Variants in PADI2 observed in about 807,000 individuals in gnomAD.
The protein encoded by PADI2 is peptidyl arginine deiminase 2.
PADI2 carries 70 observed loss-of-function variants against 81.1 expected under a neutral mutation model. That is an observed-to-expected ratio of 0.86 (90% CI 0.71 to 1.05). PADI2 has a LOEUF of 1.05. PADI2 is among the 50% of genes least tolerant of loss of function. The pLI is 0.00. For missense variants in PADI2, 853 were observed against 889.9 expected (o/e 0.96, Z 0.53); for synonymous variants, 338 against 358.0 (o/e 0.94, Z 0.63).
Position 17,073,356 on chromosome 1 carries a change from G to A in PADI2, c.1549+1500C>T, listed in dbSNP as rs138760882. Among the ~76,000 whole-genome samples, 1,471 of 150,896 alleles carry A rather than the reference G, an allele frequency of 9.7e-3. 26 individuals are homozygous for A. The highest frequency in any genetic ancestry group is 0.032 in the African/African-American group (1,317 of 40,960). The stretch of plus-strand genomic sequence containing the variant: ...GGCTTGAACCTGGGAGGCGGAGCTT[G>A]CAGTGAGCCGAGATGGCACCACTGC... On this transcript the variant is annotated intron_variant, in intron 13 of 15. Coordinates refer to ENST00000375486, the MANE Select transcript of PADI2 (RefSeq NM_007365.3).
At chr1:17,095,824 T>G in intron 4 of PADI2, 85 bp downstream of exon 4, 2 of 1,067,130 alleles carry the variant, frequency 1.9e-6, no homozygotes, top group Middle Eastern at 2.0e-4. Context: ...TCCTGAGCTG[T>G]GAAATGGGAA....
intron 11 of PADI2, among the ~76,000 whole-genome samples, chr1:17,076,991 A>G (rs2647200): frequency 0.97 from 148,216 of 152,092 alleles, 72,224 homozygotes; most frequent in East Asian, 1. Context: ...GCTCCTGGCC[A>G]GCCCTCCTCC....
intron 14 of PADI2, 69 bp downstream of exon 14, chr1:17,071,337 A>G (rs1244399177): frequency 3.4e-6 from 4 of 1,180,246 alleles, no homozygotes; most frequent in Non-Finnish European, 5.1e-6. Flanking sequence ...GGAAGCCCCA[A>G]GGATGTAAGG....
chr1:17,093,109 T>C (rs1930765188), intron 5 of PADI2, among the ~76,000 whole-genome samples: 3 of 152,014 alleles, frequency 2.0e-5, no homozygotes, highest in African/African-American at 7.2e-5. Context: ...TTCTTTTTTT[T>C]TCTTGAGACA....
chr1:17,106,732 C>A (rs549081123), intron 1 of PADI2, among the ~76,000 whole-genome samples: 1 of 152,042 alleles, frequency 6.6e-6, no homozygotes, highest in African/African-American at 2.4e-5. Flanking sequence ...CGTGAGCCAC[C>A]CTGGCCAAGG....
chr1:17,079,501 G>T, intron 10 of PADI2, 86 bp from the exon 11 acceptor site: 1 of 1,167,720 alleles, frequency 8.6e-7, no homozygotes, highest in South Asian at 1.4e-5. Context: ...ATCACCTTCA[G>T]TCTGGGTCTG....
chr1:17,097,411 C>T (rs909959890), intron 3 of PADI2, among the ~76,000 whole-genome samples: 6 of 152,206 alleles, frequency 3.9e-5, no homozygotes, highest in African/African-American at 7.2e-5. Context: ...GCTGCAAGGG[C>T]GCCTGGCCCT....
chr1:17,108,835 T>C (rs1038035394), intron 1 of PADI2, among the ~76,000 whole-genome samples: 4 of 152,214 alleles, frequency 2.6e-5, no homozygotes, highest in Admixed American at 2.0e-4. Flanking sequence ...AAAAGTGTTA[T>C]AGTGAGACAG....
In PADI2 at chr1:17,119,219, G is replaced by A; in HGVS notation, c.92+61C>T. 1.7e-6 allele frequency: 2 copies of A among 1,198,588 alleles called. No homozygotes were observed. Among genetic ancestry groups the A allele is most frequent in the Non-Finnish European group, 2.3e-6 (2 of 852,512 alleles). The allele number at this position is 1,198,588 out of a possible 1,614,324, so 74.2% of individuals were successfully genotyped here. On this transcript the variant is annotated intron_variant, in intron 1 of 15. Transcript: ENST00000375486. The surrounding 1 kb of genome is among the most constrained non-coding windows in gnomAD (Gnocchi z 4.8). ...AGGCTGTCCACGTCCCCGAGTCTGAGCGCGTCTCAGGATTTCTGGGCTCGA... is the reference window on the plus strand; with the variant it reads ...AGGCTGTCCACGTCCCCGAGTCTGAACGCGTCTCAGGATTTCTGGGCTCGA...
chr1:17,103,967 G>C (rs935832894), intron 2 of PADI2, among the ~76,000 whole-genome samples: 2 of 151,980 alleles, frequency 1.3e-5, no homozygotes, highest in Non-Finnish European at 2.9e-5. Context: ...CTGGGAGTCA[G>C]AGTGAGATCC....
Position 17,115,506 on chromosome 1 carries a change from C to T in PADI2, c.92+3774G>A, listed in dbSNP as rs1931724919. Among the ~76,000 whole-genome samples, 2 of 152,232 alleles carry T rather than the reference C, an allele frequency of 1.3e-5. No individual in the cohort carries two copies. The highest frequency in any genetic ancestry group is 2.1e-4 in the South Asian group (1 of 4,832). ...AGAAGAAGCCATTCCCAAGGCCCAG[C>T]TTGTGGGCAGAGAGTGACCACCCTG... On this transcript the variant is annotated intron_variant, in intron 1 of 15. Coordinates refer to ENST00000375486, the MANE Select transcript of PADI2 (RefSeq NM_007365.3). This position sits in a 1 kb window ranked among gnomAD's most constrained non-coding sequence, Gnocchi z 4.1.
In PADI2 at chr1:17,079,233, C is replaced by T. The variant is rs189693408; in HGVS notation, c.1310+31G>A. 34 of 1,598,482 alleles carry T rather than the reference C, an allele frequency of 2.1e-5. 1 individual carries two copies. The African/African-American group carries it at 3.5e-4, about 16-fold the overall frequency. ...AGAAACAGTGACTTCCCCACTCCCA[C>T]AGCCCCTAGCCCCAGCCTGGCTTCT... On this transcript the variant is annotated intron_variant, in intron 11 of 15. Coordinates refer to ENST00000375486, the MANE Select transcript of PADI2 (RefSeq NM_007365.3).
At position 17,074,964 on chromosome 1, in the gene PADI2, C is replaced by T. The variant is rs867749004; in HGVS notation, c.1456-15G>A. On this transcript the variant is annotated splice_polypyrimidine_tract_variant and intron_variant, in intron 12 of 15. Coordinates refer to ENST00000375486, the MANE Select transcript of PADI2 (RefSeq NM_007365.3). ...AGCAGGAATTTCTGCAAGAGACAGT[C>T]CAGAGGGACAGAGTCAGCAGTGGGA... is the stretch of plus-strand genomic sequence containing the variant. 6.3e-7 allele frequency: 1 copy of T among 1,581,474 alleles called. No homozygotes were observed. The highest frequency in any genetic ancestry group is 8.7e-7 in the Non-Finnish European group (1 of 1,152,284).
At chr1:17,090,864 C>A (rs1185706246) in intron 6 of PADI2, among the ~76,000 whole-genome samples, 1 of 151,956 alleles carries the variant, frequency 6.6e-6, no homozygotes, top group Non-Finnish European at 1.5e-5. Context: ...CTCCCTTTAG[C>A]AAAAAGAAGA....
At chr1:17,107,270 G>A (rs893902790) in intron 1 of PADI2, among the ~76,000 whole-genome samples, 1 of 152,188 alleles carries the variant, frequency 6.6e-6, no homozygotes, top group Non-Finnish European at 1.5e-5. Flanking sequence ...ATCATCAGGG[G>A]TGCTGTTTAA....
chr1:17,084,771 A>C, intron 7 of PADI2, 69 bp from the exon 8 acceptor site: 1 of 920,722 alleles, frequency 1.1e-6, no homozygotes, highest in African/African-American at 1.6e-5. Flanking sequence ...CTGCCTTTCA[A>C]AGCGGGTGAA....
intron 10 of PADI2, among the ~76,000 whole-genome samples, chr1:17,081,248 A>T (rs769046105): frequency 6.6e-6 from 1 of 152,236 alleles, no homozygotes; most frequent in Non-Finnish European, 1.5e-5. Flanking sequence ...CCATAACAAC[A>T]GCTAATAATG....
intron 1 of PADI2, among the ~76,000 whole-genome samples, chr1:17,109,762 A>T (rs891851099): frequency 1.3e-5 from 2 of 152,162 alleles, no homozygotes; most frequent in South Asian, 4.1e-4. Context: ...AAGTGCTGGG[A>T]TTACAGGAGT....
intron 4 of PADI2, among the ~76,000 whole-genome samples, chr1:17,094,881 T>G (rs1025627841): frequency 6.6e-6 from 1 of 152,146 alleles, no homozygotes; most frequent in African/African-American, 2.4e-5. Context: ...GGCTTGGCCA[T>G]AGACTCAGAG....
Sources: gnomAD v4.1 joint callset for allele counts (sites outside exome capture counted in the v4.1 genomes callset) on GRCh38, gnomAD v4.1.1 for gene constraint, Gnocchi (gnomAD v3.1) non-coding constraint, MANE v1.5 for transcripts, NCBI Gene and HGNC (gene_info 2026-07-23, HGNC 2026-07-21) for gene names.